Variants in ANXA10 observed in about 807,000 individuals in gnomAD.
The protein encoded by ANXA10 is annexin A10, also known as annexin 14.
A neutral mutation model predicts 53.5 loss-of-function variants in ANXA10; 49 were observed. That is an observed-to-expected ratio of 0.92 (90% confidence interval 0.73 to 1.16). ANXA10 has a LOEUF of 1.16. Ranked by LOEUF, ANXA10 falls within the 50% of genes most tolerant of loss-of-function variation. ANXA10 has a pLI of 0.00. For synonymous variants in ANXA10, 131 were observed against 128.9 expected (o/e 1.02, Z -0.11); for missense variants, 393 against 394.4 (o/e 1.00, Z 0.03).
chr4:168,158,358 A>C (rs912499476), intron 3 of ANXA10, among the ~76,000 whole-genome samples: 38 of 152,332 alleles, frequency 2.5e-4, no homozygotes, highest in Middle Eastern at 3.4e-3. Context: ...CAAATATGTG[A>C]AGTGACAACT....
Position 168,177,781 on chromosome 4 carries a change from T to C in ANXA10, c.522T>C (p.Ala174=). Residue 174 remains alanine, a synonymous_variant, in exon 7 of 12, where the codon GCT becomes GCC. Transcript: ENST00000359299. ...EEGYTDPAMA[A]QDAMVLWEAC... Reference sequence around the variant, plus strand: ...GATATACAGACCCTGCGATGGCTGCTCAGGATGCAATGGTAACTAGAACCA... The same window carrying C: ...GATATACAGACCCTGCGATGGCTGCCCAGGATGCAATGGTAACTAGAACCA... 1 of 1,614,180 alleles carries C rather than the reference T, an allele frequency of 6.2e-7. No individual in the cohort carries two copies. The highest frequency in any genetic ancestry group is 8.5e-7 in the Non-Finnish European group (1 of 1,180,020).
intron 3 of ANXA10, among the ~76,000 whole-genome samples, chr4:168,153,463 A>G (rs1731539508): frequency 9.3e-6 from 1 of 108,082 alleles, no homozygotes; most frequent in Non-Finnish European, 2.1e-5. Context: ...ACAAAACAAA[A>G]AAAAAAACCA....
Position 168,178,083 on chromosome 4 carries a change from C to T in ANXA10, c.628+100C>T, listed in dbSNP as rs567963896. The T allele has an allele frequency of 1.5e-4, 169 of 1,134,542 alleles. 1 individual carries two copies. In the African/African-American group the frequency reaches 2.0e-3, roughly 14 times the overall value. The allele number at this position is 1,134,542 out of a possible 1,614,324, so 70.3% of individuals were successfully genotyped here. On this transcript the variant is annotated intron_variant, in intron 8 of 11. Coordinates refer to ENST00000359299, the MANE Select transcript of ANXA10 (RefSeq NM_007193.5). ...AAAATGAAATATTACAAGGAAATAG[C>T]GGAAAGTCAGTTATCTCAAAGGTAC...
chr4:168,103,418 G>A (rs1162543738), intron 1 of ANXA10, among the ~76,000 whole-genome samples: 1 of 151,756 alleles, frequency 6.6e-6, no homozygotes, highest in Non-Finnish European at 1.5e-5. Context: ...TGGGAAAACT[G>A]TTTTTTCTCT....
chr4:168,170,054 A>AT (rs1329178238), intron 6 of ANXA10, among the ~76,000 whole-genome samples: 14 of 152,098 alleles, frequency 9.2e-5, no homozygotes, highest in Admixed American at 9.2e-4. Flanking sequence ...AATTGTAGTT[A>AT]TTTTTTTCCT....
In ANXA10 at chr4:168,139,554, G is replaced by A. The variant is rs751180361; in HGVS notation, c.169G>A (p.Glu57Lys). ...CAATGCACAAAGGATGATGATTGCA[G>A]AGGCATACCAGAGCATGTATGGCCG... ...RCNAQRMMIA[E>K]AYQSMYGRDL... Residue 57 changes from glutamate (E) to lysine (K), a missense_variant, in exon 3 of 12, where the codon GAG becomes AAG. Glu to Lys is a moderately conservative substitution (Grantham distance 56, BLOSUM62 1). Transcript: ENST00000359299. 2.5e-6 allele frequency: 4 copies of A among 1,612,008 alleles called. No individual in the cohort carries two copies. The South Asian group carries it at 3.3e-5, about 13-fold the overall frequency.
At chr4:168,124,535 C>G (rs1322612558) in intron 1 of ANXA10, among the ~76,000 whole-genome samples, 1 of 152,150 alleles carries the variant, frequency 6.6e-6, no homozygotes, top group Non-Finnish European at 1.5e-5. Flanking sequence ...GAATATGTTA[C>G]AGCATGCATT....
intron 6 of ANXA10, among the ~76,000 whole-genome samples, chr4:168,168,771 T>C (rs1731927671): frequency 6.6e-6 from 1 of 152,126 alleles, no homozygotes; most frequent in Middle Eastern, 3.2e-3. Context: ...AACCAAGAAA[T>C]ACAAATGGGT....
At chr4:168,182,928 T>A (rs1161647364) in intron 10 of ANXA10, among the ~76,000 whole-genome samples, 1 of 143,858 alleles carries the variant, frequency 7.0e-6, no homozygotes, top group Non-Finnish European at 1.5e-5. Flanking sequence ...GAGAATGGCC[T>A]GAACCCTGGA....
Position 168,092,658 on chromosome 4 carries a change from C to A in ANXA10, c.-43C>A. The A allele has an allele frequency of 6.4e-7, 1 of 1,569,692 alleles. No individual in the cohort carries two copies. Among genetic ancestry groups the A allele is most frequent in the South Asian group, 1.2e-5 (1 of 85,234 alleles). On this transcript the variant is annotated 5_prime_UTR_variant, in exon 1 of 12. The change creates a premature stop within an existing upstream ORF in the 5' untranslated region. Transcript: ENST00000359299. ...TCACAGTGAAACAAGTTTATGCAATCGATCAAATATTTTCATCCCTGAGGT... is the reference window on the plus strand; with the variant it reads ...TCACAGTGAAACAAGTTTATGCAATAGATCAAATATTTTCATCCCTGAGGT...
chr4:168,154,376 A>G lies in ANXA10; in HGVS notation c.196-8152A>G, dbSNP rs536746732. ...AGTACTTTGCTAGAGCTAGATGCTG[A>G]ATTTTGAAGAATTTGTGAGAAAGTC... On this transcript the variant is annotated intron_variant, in intron 3 of 11. Transcript: ENST00000359299. 2.0e-5 allele frequency among the ~76,000 whole-genome samples: 3 copies of G among 152,232 alleles called. No individual in the cohort carries two copies. In the East Asian group the frequency reaches 5.8e-4, roughly 29 times the overall value.
At chr4:168,127,790 C>T in intron 1 of ANXA10, 1 of 408,854 alleles carries the variant, frequency 2.4e-6, no homozygotes, top group Non-Finnish European at 4.3e-6. Flanking sequence ...CTTTCATTTT[C>T]ATTTGTCTGG....
chr4:168,139,716 C>T (rs1731297185), intron 3 of ANXA10, 136 bp downstream of exon 3: 2 of 543,240 alleles, frequency 3.7e-6, no homozygotes, highest in Non-Finnish European at 6.5e-6. Context: ...AGATACAGTT[C>T]ATATTCCTCT....
intron 6 of ANXA10, among the ~76,000 whole-genome samples, chr4:168,173,247 T>C (rs1560790552): frequency 6.6e-6 from 1 of 152,118 alleles, no homozygotes; most frequent in African/African-American, 2.4e-5. Flanking sequence ...GAAAAGCTAA[T>C]GGGTATGAGG....
intron 6 of ANXA10, among the ~76,000 whole-genome samples, chr4:168,167,279 T>C (rs971941476): frequency 2.0e-5 from 3 of 152,176 alleles, no homozygotes; most frequent in East Asian, 1.9e-4. Context: ...TACTTTATGA[T>C]GGTGCAAAAC....
rs774651213 is a variant in ANXA10, at chr4:168,128,158, A to G, written c.93A>G (p.Gln31=). The G allele has an allele frequency of 1.9e-6, 3 of 1,612,158 alleles. No individual in the cohort carries two copies. Among genetic ancestry groups the G allele is most frequent in the Middle Eastern group, 1.7e-4 (1 of 6,060 alleles). ...CCCAAATGCTAGGAGGAGCACTCCA[A>G]GGATTTGGTAAGTCTGATTATTTCT... ...MDAQMLGGAL[Q]GFDCDKDMLI... The change falls in exon 2 of 12, where the codon CAA becomes CAG. Residue 31 remains glutamine (Q), a synonymous_variant. Coordinates refer to ENST00000359299, the MANE Select transcript of ANXA10 (RefSeq NM_007193.5).
intron 2 of ANXA10, among the ~76,000 whole-genome samples, chr4:168,128,995 T>C (rs1228347777): frequency 6.6e-6 from 1 of 151,968 alleles, no homozygotes; most frequent in African/African-American, 2.4e-5. Context: ...GGTATTAAAC[T>C]TTCATATAGT....
intron 3 of ANXA10, among the ~76,000 whole-genome samples, chr4:168,144,583 A>C (rs1373768684): frequency 6.6e-6 from 1 of 152,236 alleles, no homozygotes. Context: ...CTAGAACTTT[A>C]ATATGGAATG....
chr4:168,134,251 G>GA (rs1265142717), intron 2 of ANXA10, among the ~76,000 whole-genome samples: 2 of 151,938 alleles, frequency 1.3e-5, no homozygotes, highest in Non-Finnish European at 2.9e-5. Context: ...TTTTAGAGAA[G>GA]AAAAATCCTT....
Sources: gnomAD v4.1 joint callset for allele counts (sites outside exome capture counted in the v4.1 genomes callset) on GRCh38, gnomAD v4.1.1 for gene constraint, MANE v1.5 for transcripts, NCBI Gene and HGNC (gene_info 2026-07-23, HGNC 2026-07-21) for gene names.